MAGI2: variants seen among roughly 807,000 people sequenced by gnomAD.
MAGI2 encodes the protein membrane associated guanylate kinase, WW and PDZ domain containing 2.
Under a neutral mutation model 133.3 loss-of-function variants are expected in MAGI2, and 35 were observed. The observed-to-expected ratio is 0.26, with a 90% CI of 0.20 to 0.35. MAGI2 has a LOEUF of 0.35. Among genes scored for constraint, MAGI2 ranks in the 10% least tolerant of loss-of-function variants. The probability of loss-of-function intolerance (pLI) is 1.00; values close to 1 mark genes in which losing one functional copy is unlikely to be tolerated. For synonymous variants in MAGI2, 729 were observed against 710.6 expected, an observed-to-expected ratio of 1.03 and a Z score of -0.41; for missense variants, 1,636 against 1,863.4, an observed-to-expected ratio of 0.88 and a Z score of 2.25.
intron 1 of MAGI2, among the ~76,000 whole-genome samples, chr7:79,449,309 T>C (rs1482149873): frequency 6.6e-6 from 1 of 151,446 alleles, no homozygotes; most frequent in African/African-American, 2.4e-5. Context: ...AAACTGAATT[T>C]CAAAGGATTT....
At chr7:79,295,200 A>C (rs1836838326) in intron 1 of MAGI2, among the ~76,000 whole-genome samples, 1 of 152,232 alleles carries the variant, frequency 6.6e-6, no homozygotes, top group Non-Finnish European at 1.5e-5. Context: ...AAAAAGGTAA[A>C]TGACAAGCTT....
intron 1 of MAGI2, among the ~76,000 whole-genome samples, chr7:79,371,605 T>C (rs1425715581): frequency 6.6e-6 from 1 of 152,174 alleles, no homozygotes; most frequent in African/African-American, 2.4e-5. Context: ...AACAGTAGGC[T>C]ATGTCATATA....
intron 15 of MAGI2, among the ~76,000 whole-genome samples, chr7:78,160,728 C>T (rs2150611036): frequency 6.6e-6 from 1 of 152,312 alleles, no homozygotes; most frequent in East Asian, 1.9e-4. Context: ...AATGTTTTCT[C>T]AGTAGGTCTG....
intron 3 of MAGI2, among the ~76,000 whole-genome samples, chr7:78,594,145 A>T (rs1395677187): frequency 6.6e-6 from 1 of 152,136 alleles, no homozygotes; most frequent in Non-Finnish European, 1.5e-5. Context: ...GTCCTCTTTG[A>T]TACTCCTCAG....
chr7:78,471,407 T>A (rs2150424754), intron 6 of MAGI2, among the ~76,000 whole-genome samples: 1 of 152,244 alleles, frequency 6.6e-6, no homozygotes, highest in Non-Finnish European at 1.5e-5. Context: ...GGAGACAATA[T>A]ATGTAATACT....
intron 2 of MAGI2, among the ~76,000 whole-genome samples, chr7:78,841,219 C>T (rs893258179): frequency 1.3e-5 from 2 of 152,028 alleles, no homozygotes; most frequent in Non-Finnish European, 2.9e-5. Flanking sequence ...CTGCCTCCAC[C>T]ACTAAAATGA....
chr7:78,072,225 T>C (rs147107041), intron 21 of MAGI2, among the ~76,000 whole-genome samples: 11 of 152,326 alleles, frequency 7.2e-5, no homozygotes, highest in African/African-American at 2.4e-4. Context: ...ACAAATATTA[T>C]AAAGGAAATT....
intron 6 of MAGI2, among the ~76,000 whole-genome samples, chr7:78,443,614 A>AT (rs1445684756): frequency 6.6e-5 from 10 of 152,080 alleles, no homozygotes; most frequent in African/African-American, 2.4e-4. Flanking sequence ...TATTAAAGCC[A>AT]TTTTTGTATT....
intron 9 of MAGI2, among the ~76,000 whole-genome samples, chr7:78,284,500 C>A (rs911428105): frequency 3.3e-5 from 5 of 149,920 alleles, no homozygotes; most frequent in African/African-American, 4.9e-5. Flanking sequence ...TCTGAAGAAG[C>A]TGATCACGCT....
intron 1 of MAGI2, among the ~76,000 whole-genome samples, chr7:79,165,361 C>T (rs1052379819): frequency 6.6e-6 from 1 of 152,052 alleles, no homozygotes. Flanking sequence ...AAGCCCTAGA[C>T]ACTCTTTAAG....
chr7:78,576,995 T>C (rs79034199), intron 3 of MAGI2, among the ~76,000 whole-genome samples: 2,435 of 152,256 alleles, frequency 0.016, 69 homozygotes, highest in African/African-American at 0.056. Context: ...AAAACAAAGT[T>C]GTTATGCTTT....
intron 16 of MAGI2, among the ~76,000 whole-genome samples, chr7:78,137,616 G>C (rs559627232): frequency 6.6e-6 from 1 of 152,272 alleles, no homozygotes; most frequent in Admixed American, 6.5e-5. Context: ...TATCCCCTAA[G>C]TATCAACACA....
At chr7:79,206,115 C>T (rs754012087) in intron 1 of MAGI2, among the ~76,000 whole-genome samples, 1 of 150,766 alleles carries the variant, frequency 6.6e-6, no homozygotes, top group Non-Finnish European at 1.5e-5. Context: ...AAATGCCTAC[C>T]TCAAAACAAT....
At chr7:78,176,950 C>CACACACACACACAT (rs988630917) in intron 14 of MAGI2, among the ~76,000 whole-genome samples, 148 of 147,334 alleles carry the variant, frequency 1.0e-3, no homozygotes, top group African/African-American at 3.4e-3. Flanking sequence ...CACACACACA[C>CACACACACACACAT]ATATATAGTA....
chr7:78,733,056 G>T (rs1247103408), intron 2 of MAGI2, among the ~76,000 whole-genome samples: 1 of 152,066 alleles, frequency 6.6e-6, no homozygotes, highest in Non-Finnish European at 1.5e-5. Context: ...CAGGATTAGA[G>T]CTTTAAAAAC....
chr7:78,761,187 T>A (rs1824469463), intron 2 of MAGI2, among the ~76,000 whole-genome samples: 1 of 152,218 alleles, frequency 6.6e-6, no homozygotes, highest in South Asian at 2.1e-4. Context: ...TAGAAGTTGG[T>A]CTGGGAAGAG....
chr7:79,107,118 A>G (rs956126906), intron 1 of MAGI2, among the ~76,000 whole-genome samples: 7 of 152,200 alleles, frequency 4.6e-5, no homozygotes, highest in Non-Finnish European at 1.0e-4. Context: ...CAAAATAAAG[A>G]GATTAGCCTC....
At chr7:78,389,356 C>T (rs1235640451) in intron 6 of MAGI2, among the ~76,000 whole-genome samples, 12 of 152,162 alleles carry the variant, frequency 7.9e-5, no homozygotes, top group Admixed American at 2.0e-4. Flanking sequence ...AAGGGGACTG[C>T]TATTGAGTTC....
chr7:79,223,605 A>G (rs958251113), intron 1 of MAGI2, among the ~76,000 whole-genome samples: 4 of 152,028 alleles, frequency 2.6e-5, no homozygotes, highest in African/African-American at 9.7e-5. Context: ...AAGTGAGAGA[A>G]TCGCCTGAGC....
Sources: allele counts gnomAD v4.1 joint callset (sites outside exome capture counted in the v4.1 genomes callset), GRCh38; gene constraint gnomAD v4.1.1; transcripts MANE v1.5; gene names NCBI Gene and HGNC (gene_info 2026-07-23, HGNC 2026-07-21).